EFCAB5: variants seen among roughly 807,000 people sequenced by gnomAD.
EFCAB5 encodes EF-hand calcium-binding domain-containing protein 5.
EFCAB5 carries 131 observed loss-of-function variants against 167.9 expected under a neutral mutation model. The observed-to-expected ratio is 0.78, with a 90% CI of 0.68 to 0.90. The LOEUF is 0.90. Ranked by LOEUF, EFCAB5 falls within the 40% of genes least tolerant of loss-of-function variation. The pLI is 0.00. For synonymous variants in EFCAB5, 574 were observed against 602.8 expected, an observed-to-expected ratio of 0.95 and a Z score of 0.70; for missense variants, 1,663 against 1,745.2, an observed-to-expected ratio of 0.95 and a Z score of 0.84.
rs777534236 is a variant in EFCAB5, at chr17:30,053,457, A to G, written c.1503A>G (p.Pro501=). 3.1e-6 allele frequency: 5 copies of G among 1,614,044 alleles called. No individual in the cohort carries two copies. The Admixed American group carries it at 6.7e-5, about 22-fold the overall frequency. The change falls in exon 10 of 23, where the codon CCA becomes CCG. Residue 501 remains proline (P), a synonymous_variant. Transcript: ENST00000394835. ...TTAACGAACAGAGAACATCAACACCATCACCAAACCCGCCAGAACAGCAGA... is the reference window on the plus strand; with the variant it reads ...TTAACGAACAGAGAACATCAACACCGTCACCAAACCCGCCAGAACAGCAGA... ...PKLNEQRTST[P]SPNPPEQQRG...
At chr17:30,091,546 T>C (rs1420031274) in intron 20 of EFCAB5, among the ~76,000 whole-genome samples, 1 of 152,168 alleles carries the variant, frequency 6.6e-6, no homozygotes, top group Non-Finnish European at 1.5e-5. Context: ...ATTAAGCCCA[T>C]TTTCACAGAA....
intron 22 of EFCAB5, among the ~76,000 whole-genome samples, chr17:30,104,948 G>A (rs2071429229): frequency 6.6e-6 from 1 of 152,136 alleles, no homozygotes; most frequent in African/African-American, 2.4e-5. Context: ...ATGGCTTGCA[G>A]ATGGGCGTCT....
intron 5 of EFCAB5, 146 bp downstream of exon 5, chr17:29,993,467 T>C (rs1367491780): frequency 3.0e-6 from 2 of 663,242 alleles, no homozygotes; most frequent in African/African-American, 1.9e-5. Context: ...TCCGTGAGTG[T>C]TGATTCCTTC....
chr17:30,020,478 C>T (rs1483212685), intron 7 of EFCAB5, among the ~76,000 whole-genome samples: 5 of 151,652 alleles, frequency 3.3e-5, no homozygotes, highest in African/African-American at 9.7e-5. Context: ...AATTCTCCTG[C>T]CTCAGCCTCC....
intron 10 of EFCAB5, among the ~76,000 whole-genome samples, chr17:30,054,441 C>T (rs1206305229): frequency 1.3e-5 from 2 of 151,924 alleles, no homozygotes; most frequent in African/African-American, 2.4e-5. Flanking sequence ...TAGTAGAAGC[C>T]CTTTTGTTTT....
chr17:29,998,881 T>C (rs529058617), intron 6 of EFCAB5, among the ~76,000 whole-genome samples: 46 of 152,348 alleles, frequency 3.0e-4, no homozygotes, highest in African/African-American at 1.1e-3. Flanking sequence ...ATTACATAAA[T>C]TGTCATATCA....
At chr17:30,069,644 CG>C in intron 14 of EFCAB5, 1 of 1,598,682 alleles carries the variant, frequency 6.3e-7, no homozygotes, top group Non-Finnish European at 8.6e-7. Context: ...GCCTGGGCCA[CG>C]GGGGCCCAGC....
intron 7 of EFCAB5, among the ~76,000 whole-genome samples, chr17:30,032,816 T>G (rs2069512982): frequency 6.6e-6 from 1 of 152,202 alleles, no homozygotes. Flanking sequence ...TATGTCAATT[T>G]AATTCTCAGG....
At chr17:30,015,759 C>CTTTTTTTT (rs71138866) in intron 7 of EFCAB5, among the ~76,000 whole-genome samples, 2 of 130,566 alleles carry the variant, frequency 1.5e-5, no homozygotes, top group Non-Finnish European at 1.6e-5. Flanking sequence ...TTGGTTATTT[C>CTTTTTTTT]TTTTTTTTTT....
intron 10 of EFCAB5, among the ~76,000 whole-genome samples, chr17:30,055,512 G>T (rs1338805369): frequency 6.6e-6 from 1 of 152,156 alleles, no homozygotes; most frequent in Admixed American, 6.5e-5. Flanking sequence ...TACTTTTTCT[G>T]TCACACCTCA....
At position 30,083,026 on chromosome 17, in the gene EFCAB5, G is replaced by A; in HGVS notation, c.3562G>A (p.Glu1188Lys). Residue 1188 changes from glutamate to lysine, a missense_variant, in exon 18 of 23, where the codon GAG becomes AAG. By Grantham distance (56) the Glu-to-Lys change is moderately conservative. Transcript: ENST00000394835. The part of the protein sequence containing the change: ...SITSITTYFV[E>K]PSPAQDSDYV... The stretch of plus-strand genomic sequence containing the variant: ...CACCTCCATCACTACGTACTTTGTA[G>A]AGCCTAGCCCAGCCCAGGTAGGCAA... 6.2e-7 allele frequency: 1 copy of A among 1,613,930 alleles called. No homozygotes were observed. Among genetic ancestry groups the A allele is most frequent in the Non-Finnish European group, 8.5e-7 (1 of 1,179,854 alleles).
intron 14 of EFCAB5, among the ~76,000 whole-genome samples, chr17:30,075,414 C>T (rs2070849152): frequency 6.6e-6 from 1 of 152,102 alleles, no homozygotes; most frequent in African/African-American, 2.4e-5. Context: ...ATGTGGATTC[C>T]CTTGTCAATT....
chr17:30,035,934 T>G (rs1223804156), intron 8 of EFCAB5, among the ~76,000 whole-genome samples: 2 of 151,434 alleles, frequency 1.3e-5, no homozygotes, highest in East Asian at 3.9e-4. Flanking sequence ...AGAAGTTAGA[T>G]GAGTTTCTGA....
At chr17:30,029,484 G>A (rs1013732290) in intron 7 of EFCAB5, among the ~76,000 whole-genome samples, 1 of 151,912 alleles carries the variant, frequency 6.6e-6, no homozygotes, top group African/African-American at 2.4e-5. Flanking sequence ...TATCACTTTT[G>A]TGTCATCATA....
At chr17:30,060,812 A>T (rs1597744609) in intron 14 of EFCAB5, among the ~76,000 whole-genome samples, 1 of 152,340 alleles carries the variant, frequency 6.6e-6, no homozygotes, top group East Asian at 1.9e-4. Context: ...TTCGTAACAC[A>T]AAACCACATC....
chr17:29,952,445 C>T lies in EFCAB5; in HGVS notation c.190+8796C>T, dbSNP rs542272073. On this transcript the variant is annotated intron_variant, in intron 3 of 22. Coordinates refer to ENST00000394835, the MANE Select transcript of EFCAB5 (RefSeq NM_198529.4). ...ACATGTGGACACAAAGAGACATATG[C>T]AATACTTTTCATAATAGGATTGTCT... 4.6e-5 allele frequency among the ~76,000 whole-genome samples: 7 copies of T among 152,142 alleles called. No homozygotes were observed. In the East Asian group the frequency reaches 1.4e-3, roughly 29 times the overall value.
At chr17:29,943,267 A>ATTGTATAAT (rs1233251976) in intron 2 of EFCAB5, among the ~76,000 whole-genome samples, 1 of 152,170 alleles carries the variant, frequency 6.6e-6, no homozygotes, top group Non-Finnish European at 1.5e-5. Context: ...TCTATAAACT[A>ATTGTATAAT]TTGTATAATT....
intron 22 of EFCAB5, among the ~76,000 whole-genome samples, chr17:30,106,857 C>G (rs1875894756): frequency 6.6e-6 from 1 of 152,204 alleles, no homozygotes; most frequent in Non-Finnish European, 1.5e-5. Flanking sequence ...GGGAGGATCA[C>G]CTGAGCATGG....
rs1437127207 is a variant in EFCAB5, at chr17:30,090,567, T to C, written c.3830T>C (p.Leu1277Ser). ...DFNIGQNRML[L>S]CQEYKDLQKM... ...AACATCGGCCAAAATAGGATGTTGT[T>C]GTGTCAAGAATATAAAGATCTACAG... The change falls in exon 20 of 23, where the codon TTG becomes TCG. Residue 1277 changes from leucine (L) to serine (S), a missense_variant. Transcript: ENST00000394835. 6.2e-7 allele frequency: 1 copy of C among 1,613,964 alleles called. No homozygotes were observed. The highest frequency in any genetic ancestry group is 8.5e-7 in the Non-Finnish European group (1 of 1,179,878).
Sources: gnomAD v4.1 joint callset for allele counts (sites outside exome capture counted in the v4.1 genomes callset) on GRCh38, gnomAD v4.1.1 for gene constraint, MANE v1.5 for transcripts, NCBI Gene and HGNC (gene_info 2026-07-23, HGNC 2026-07-21) for gene names.